The following TYK2 variants were observed in gnomAD, a reference collection of about 807,000 sequenced individuals.
TYK2 encodes non-receptor tyrosine-protein kinase TYK2.
Under a neutral mutation model 130.9 loss-of-function variants are expected in TYK2, and 65 were observed. The observed-to-expected ratio is 0.50, with a 90% CI of 0.41 to 0.61. TYK2 has a LOEUF of 0.61. TYK2 is among the 20% of genes least tolerant of loss of function. TYK2 has a pLI of 0.00. For synonymous variants in TYK2, 647 were observed against 658.9 expected, an observed-to-expected ratio of 0.98 and a Z score of 0.28; for missense variants, 1,378 against 1,610.7, an observed-to-expected ratio of 0.86 and a Z score of 2.47.
intron 14 of TYK2, among the ~76,000 whole-genome samples, chr19:10,359,971 A>T (rs1228506294): frequency 1.3e-5 from 2 of 151,528 alleles, no homozygotes; most frequent in Admixed American, 1.3e-4. Context: ...AGATCACGTC[A>T]TTGCACTCCA....
rs1321786007 is a variant in TYK2, at chr19:10,365,856, C to T, written c.672G>A (p.Arg224=). 1 of 1,612,078 alleles carries T rather than the reference C, an allele frequency of 6.2e-7. No homozygotes were observed. The highest frequency in any genetic ancestry group is 1.3e-5 in the African/African-American group (1 of 75,048). ...GCAGCCGGGTCAGGGCGCTGTGCTG[C>T]CGGATATGCCGGCGGAAGGAGCGCG... ...CIPRSFRRHI[R]QHSALTRLRL... The change falls in exon 7 of 25, where the codon CGG becomes CGA. Residue 224 remains arginine, a synonymous_variant. Transcript: ENST00000525621.
At position 10,363,541 on chromosome 19, in the gene TYK2, T is replaced by A. The variant is rs116469015; in HGVS notation, c.1368-884A>T. Among the ~76,000 whole-genome samples the A allele has an allele frequency of 7.9e-3, 1,194 of 152,054 alleles. 15 individuals are homozygous for A. Among genetic ancestry groups the A allele is most frequent in the African/African-American group, 0.027 (1,115 of 41,468 alleles). On this transcript the variant is annotated intron_variant, in intron 9 of 24. Transcript: ENST00000525621. ...GACAAGGTGACACACACTCCAAGAT[T>A]GGAAACAGCCATCAGGAGCCGGATG...
chr19:10,353,175 G>A lies in TYK2; in HGVS notation c.3028-77C>T. The A allele has an allele frequency of 7.7e-7, 1 of 1,302,572 alleles. No individual in the cohort carries two copies. Among genetic ancestry groups the A allele is most frequent in the Non-Finnish European group, 1.0e-6 (1 of 985,456 alleles). The allele number at this position is 1,302,572 out of a possible 1,614,324, so 80.7% of individuals were successfully genotyped here. On this transcript the variant is annotated intron_variant, in intron 21 of 24. Coordinates refer to ENST00000525621, the MANE Select transcript of TYK2 (RefSeq NM_003331.5). The surrounding 1 kb of genome is among the most constrained non-coding windows in gnomAD (Gnocchi z 6.9). ...GGCGGCGGCAGGACCTGAGCAGCCA[G>A]GAGGGCTGGGGGACAGTCAGGTCAG...
At chr19:10,374,925 A>G (rs1166739647) in intron 3 of TYK2, among the ~76,000 whole-genome samples, 1 of 151,956 alleles carries the variant, frequency 6.6e-6, no homozygotes, top group Non-Finnish European at 1.5e-5. Flanking sequence ...GCGATGGCTC[A>G]TGCCTCCCAA....
intron 3 of TYK2, chr19:10,368,687 C>T: frequency 2.2e-6 from 1 of 463,054 alleles, no homozygotes; most frequent in Non-Finnish European, 4.0e-6. Context: ...GGGTACATTT[C>T]CAAGCCTGGA....
intron 15 of TYK2, 23 bp from the exon 16 acceptor site, chr19:10,358,161 T>A: frequency 6.3e-7 from 1 of 1,592,854 alleles, no homozygotes. Flanking sequence ...GGAGAGGGGG[T>A]GTGGCCACTC....
At position 10,353,848 on chromosome 19, in the gene TYK2, G is replaced by T; in HGVS notation, c.2908+194C>A. ...CTGCTGGTGGCTCCCGTCCATCCTG[G>T]CCCCAGCAGGTAGCACCCCCCAGAT... On this transcript the variant is annotated intron_variant, in intron 20 of 24. Coordinates refer to ENST00000525621, the MANE Select transcript of TYK2 (RefSeq NM_003331.5). This position sits in a 1 kb window ranked among gnomAD's most constrained non-coding sequence, Gnocchi z 6.9. 1 of 719,150 alleles carries T rather than the reference G, an allele frequency of 1.4e-6. No homozygotes were observed. The highest frequency in any genetic ancestry group is 2.3e-6 in the Non-Finnish European group (1 of 432,054). 44.5% of individuals were successfully genotyped at this position (719,150 alleles called of 1,614,324 possible).
chr19:10,357,770 G>C lies in TYK2; in HGVS notation c.2460C>G (p.Pro820=). 1 of 1,609,710 alleles carries C rather than the reference G, an allele frequency of 6.2e-7. No individual in the cohort carries two copies. ...AAGGGTCTCCTAGACATACCTCGGA[G>C]GGACTGCGGCTCTGCAGAGGGGCCT... ...DGEAPLQSRS[P]SEKEHFYQRQ... Residue 820 remains proline (P), a synonymous_variant, in exon 17 of 25, where the codon CCC becomes CCG. Coordinates refer to ENST00000525621, the MANE Select transcript of TYK2 (RefSeq NM_003331.5).
At position 10,350,896 on chromosome 19, in the gene TYK2, T is replaced by C. The variant is rs547174683; in HGVS notation, c.3502A>G (p.Ile1168Val). ...FRPTFENLIP[I>V]LKTVHEKYQG... is the part of the protein sequence containing the mutation. Reference sequence around the variant, plus strand: ...TACTTCTCATGGACTGTCTTCAGAATGGGTATGAGGTTCTCGAAGGTTGGG... The same window carrying C: ...TACTTCTCATGGACTGTCTTCAGAACGGGTATGAGGTTCTCGAAGGTTGGG... Residue 1168 changes from isoleucine to valine, a missense_variant, in exon 25 of 25, where the codon ATT becomes GTT. By Grantham distance (29) the Ile-to-Val change is conservative (BLOSUM62 3). Transcript: ENST00000525621. The C allele has an allele frequency of 6.2e-7, 1 of 1,614,118 alleles. No homozygotes were observed. Among genetic ancestry groups the C allele is most frequent in the Admixed American group, 1.7e-5 (1 of 60,002 alleles).
chr19:10,351,321 T>C, intron 23 of TYK2, 159 bp from the exon 24 acceptor site: 1 of 565,934 alleles, frequency 1.8e-6, no homozygotes, highest in Non-Finnish European at 3.2e-6. Flanking sequence ...ACCCCATCTC[T>C]ACTAAAAATA....
chr19:10,364,529 A>G lies in TYK2; in HGVS notation c.1367+85T>C. On this transcript the variant is annotated intron_variant, in intron 9 of 24. Transcript: ENST00000525621. This position sits in a 1 kb window ranked among gnomAD's most constrained non-coding sequence, Gnocchi z 4.9. The stretch of plus-strand genomic sequence containing the variant: ...AAAAAAAAATAAGACGTGCACCTAC[A>G]CACACACCCTGCACAGCCCCTAGGG... The G allele has an allele frequency of 7.4e-6, 11 of 1,495,562 alleles. No homozygotes were observed. Among genetic ancestry groups the G allele is most frequent in the Non-Finnish European group, 1.0e-5 (11 of 1,079,952 alleles). The allele number at this position is 1,495,562 out of a possible 1,614,324, so 92.6% of individuals were successfully genotyped here. A position where few individuals can be genotyped will look rare whatever the true frequency, so the allele number is the denominator to read the frequency against.
Position 10,368,348 on chromosome 19 carries a change from G to A in TYK2, c.264C>T (p.Asn88=), listed in dbSNP as rs1265915477. The A allele has an allele frequency of 6.2e-7, 1 of 1,614,180 alleles. No homozygotes were observed. The highest frequency in any genetic ancestry group is 1.1e-5 in the South Asian group (1 of 91,088). ...DAQAQVWLPP[N]HILEIPRDAS... ...CATCTCTGGGGATCTCTAGGATGTG[G>A]TTTGGGGGCAACCAGACTTGGGCCT... The change falls in exon 4 of 25, where the codon AAC becomes AAT. Residue 88 remains asparagine (N), a synonymous_variant. Coordinates refer to ENST00000525621, the MANE Select transcript of TYK2 (RefSeq NM_003331.5).
chr19:10,369,975 T>C (rs1599358129), intron 3 of TYK2: 2 of 326,146 alleles, frequency 6.1e-6, no homozygotes, highest in Admixed American at 8.7e-5. Flanking sequence ...ATTCAGGAGG[T>C]GGAACTTGCA....
chr19:10,373,611 G>A (rs1006369623), intron 3 of TYK2, among the ~76,000 whole-genome samples: 2 of 152,142 alleles, frequency 1.3e-5, no homozygotes, highest in African/African-American at 2.4e-5. Flanking sequence ...GATTACAGGC[G>A]TGACCCACTG....
chr19:10,353,547 A>T lies in TYK2; in HGVS notation c.3008T>A (p.Phe1003Tyr). The T allele has an allele frequency of 6.7e-7, 1 of 1,498,554 alleles. No individual in the cohort carries two copies. 92.8% of individuals were successfully genotyped at this position (1,498,554 alleles called of 1,614,324 possible). ...ACCAACCTCGCAGATCTGCTGGGCG[A>T]AGAGCAGCAGCTGGGCCAGCCCGAT... is the stretch of plus-strand genomic sequence containing the variant. ...HSIGLAQLLL[F>Y]AQQICEGMAY... The change falls in exon 21 of 25, where the codon TTC becomes TAC. Residue 1003 changes from phenylalanine to tyrosine, a missense_variant. Phe to Tyr is a conservative substitution (Grantham distance 22). Transcript: ENST00000525621. The surrounding 1 kb of genome is among the most constrained non-coding windows in gnomAD (Gnocchi z 6.9).
At position 10,366,110 on chromosome 19, in the gene TYK2, C is replaced by T. The variant is rs12720265; in HGVS notation, c.630-212G>A. 3.4e-3 allele frequency among the ~76,000 whole-genome samples: 516 copies of T among 152,258 alleles called. 5 individuals carry two copies. The highest frequency in any genetic ancestry group is 0.012 in the African/African-American group (505 of 41,552). On this transcript the variant is annotated intron_variant, in intron 6 of 24. Coordinates refer to ENST00000525621, the MANE Select transcript of TYK2 (RefSeq NM_003331.5). ...TTGAGGTCAGGAGTTCGAGACCAGC[C>T]TGGCCAACATGATGAAACTCAGTCT... is the stretch of plus-strand genomic sequence containing the variant.
At chr19:10,369,030 A>C (rs1238728721) in intron 3 of TYK2, among the ~76,000 whole-genome samples, 1 of 152,162 alleles carries the variant, frequency 6.6e-6, no homozygotes, top group East Asian at 1.9e-4. Context: ...GCTGGTCTCA[A>C]ACTCCTGACC....
intron 15 of TYK2, among the ~76,000 whole-genome samples, chr19:10,358,802 C>T (rs1047316811): frequency 2.0e-5 from 3 of 151,854 alleles, no homozygotes; most frequent in African/African-American, 4.8e-5. Flanking sequence ...TGGTGGCTCA[C>T]GCCTGGAATC....
intron 17 of TYK2, chr19:10,356,940 T>C (rs2041132852): frequency 1.7e-6 from 1 of 592,476 alleles, no homozygotes; most frequent in African/African-American, 1.9e-5. Context: ...AGCTGGAGTG[T>C]CACAGTCAGC....
Sources: allele counts gnomAD v4.1 joint callset (sites outside exome capture counted in the v4.1 genomes callset), GRCh38; gene constraint gnomAD v4.1.1; non-coding constraint Gnocchi (gnomAD v3.1); transcripts MANE v1.5; gene names NCBI Gene and HGNC (gene_info 2026-07-23, HGNC 2026-07-21).